Variants in CACUL1 observed in about 807,000 individuals in gnomAD.
The protein encoded by CACUL1 is CDK2 associated cullin domain 1.
A neutral mutation model predicts 45.2 loss-of-function variants in CACUL1; 13 were observed. That is an observed-to-expected ratio of 0.29 (90% CI 0.19 to 0.46). CACUL1 has a LOEUF of 0.46. Ranked by LOEUF, CACUL1 falls within the 20% of genes least tolerant of loss-of-function variation. The pLI, the probability that CACUL1 is intolerant of heterozygous loss-of-function variation, is 1.00. For missense variants in CACUL1, 421 were observed against 471.4 expected (o/e 0.89, Z 0.99); for synonymous variants, 197 against 174.2 (o/e 1.13, Z -1.03).
chr10:118,694,832 G>A (rs1845305172), intron 6 of CACUL1: 1 of 249,970 alleles, frequency 4.0e-6, no homozygotes, highest in Admixed American at 4.7e-5. Flanking sequence ...TGTGCAGCGT[G>A]AGGCAGGAAG....
chr10:118,711,188 C>G (rs1253006936), intron 3 of CACUL1, among the ~76,000 whole-genome samples: 1 of 152,184 alleles, frequency 6.6e-6, no homozygotes, highest in Admixed American at 6.5e-5. Flanking sequence ...CAAGGGATTG[C>G]TCTGTCTCAG....
chr10:118,703,220 C>G (rs1845401014), intron 4 of CACUL1, among the ~76,000 whole-genome samples: 1 of 151,426 alleles, frequency 6.6e-6, no homozygotes, highest in Non-Finnish European at 1.5e-5. Context: ...ACCTTCTGAC[C>G]CATTCCCAAA....
chr10:118,695,523 A>G (rs954092527), intron 5 of CACUL1, among the ~76,000 whole-genome samples: 2 of 152,250 alleles, frequency 1.3e-5, no homozygotes, highest in Non-Finnish European at 2.9e-5. Flanking sequence ...ATGATACATT[A>G]TAAGTGAGTT....
chr10:118,704,993 G>A (rs1315824396), intron 4 of CACUL1, among the ~76,000 whole-genome samples: 1 of 152,248 alleles, frequency 6.6e-6, no homozygotes, highest in Non-Finnish European at 1.5e-5. Context: ...GGGGTCCCCA[G>A]CTTGCAAAGT....
At chr10:118,700,706 G>C (rs1163858338) in intron 5 of CACUL1, among the ~76,000 whole-genome samples, 1 of 107,484 alleles carries the variant, frequency 9.3e-6, no homozygotes, top group Non-Finnish European at 1.8e-5. Flanking sequence ...GACAGAGCGA[G>C]ACTCCGTCTC....
chr10:118,686,903 G>C, intron 7 of CACUL1: 2 of 461,516 alleles, frequency 4.3e-6, no homozygotes, highest in South Asian at 3.7e-5. Context: ...TAAGAAAATA[G>C]AGGTTCTGAC....
Position 118,754,844 on chromosome 10 carries a change from C to T in CACUL1, c.-82G>A, listed in dbSNP as rs1845942013. On this transcript the variant is annotated 5_prime_UTR_variant, in exon 1 of 9. Coordinates refer to ENST00000369151, the MANE Select transcript of CACUL1 (RefSeq NM_153810.5). ...CGGGCCAGCGGGCACCGCTGCCTCC[C>T]CGAGTTACATCGCCGGCGGCAGGAA... 5.4e-6 allele frequency: 8 copies of T among 1,479,858 alleles called. No homozygotes were observed. Among genetic ancestry groups the T allele is most frequent in the South Asian group, 1.4e-5 (1 of 72,716 alleles). The allele number at this position is 1,479,858 out of a possible 1,614,324, so 91.7% of individuals were successfully genotyped here.
rs78050607 is a variant in CACUL1 at position 118,689,678 on chromosome 10, C to A, written c.1025+1587G>T. Reference sequence around the variant, plus strand: ...GTTACTCATCTCATCCCAAGCAAATCTGACATAAGAGCTACTATAAACCAA... The same window carrying A: ...GTTACTCATCTCATCCCAAGCAAATATGACATAAGAGCTACTATAAACCAA... On this transcript the variant is annotated intron_variant, in intron 7 of 8. Transcript: ENST00000369151. Among the ~76,000 whole-genome samples, 25 of 152,246 alleles carry A rather than the reference C, an allele frequency of 1.6e-4. No individual in the cohort carries two copies. The East Asian group carries it at 4.3e-3, about 26-fold the overall frequency.
intron 3 of CACUL1, 115 bp downstream of exon 3, chr10:118,729,180 T>G (rs928240524): frequency 1.5e-6 from 1 of 675,356 alleles, no homozygotes; most frequent in Non-Finnish European, 2.6e-6. Context: ...TAGAAAACAT[T>G]TATAAATTTA....
intron 1 of CACUL1, among the ~76,000 whole-genome samples, chr10:118,736,704 C>A (rs1317473936): frequency 1.3e-5 from 2 of 152,094 alleles, no homozygotes; most frequent in African/African-American, 4.8e-5. Flanking sequence ...AAGTCTAGAG[C>A]AATATACAGA....
chr10:118,695,743 G>A (rs1218103108), intron 5 of CACUL1, among the ~76,000 whole-genome samples: 1 of 152,102 alleles, frequency 6.6e-6, no homozygotes, highest in Admixed American at 6.5e-5. Flanking sequence ...TCATTTTCAT[G>A]TCTTTGGTGA....
Position 118,754,873 on chromosome 10 carries a change from G to A in CACUL1, c.-111C>T. On this transcript the variant is annotated 5_prime_UTR_variant, in exon 1 of 9. Transcript: ENST00000369151. ...GTTACATCGCCGGCGGCAGGAATGG[G>A]CGCAGCGGAGAGGGCTGCGGTGCGC... is the stretch of plus-strand genomic sequence containing the variant. 7.0e-7 allele frequency: 1 copy of A among 1,423,922 alleles called. No individual in the cohort carries two copies. Among genetic ancestry groups the A allele is most frequent in the Non-Finnish European group, 9.4e-7 (1 of 1,065,808 alleles). The allele number at this position is 1,423,922 out of a possible 1,614,324, so 88.2% of individuals were successfully genotyped here. A position where few individuals can be genotyped will look rare whatever the true frequency, so the allele number is the denominator to read the frequency against.
chr10:118,717,896 G>A (rs968380227), intron 3 of CACUL1, among the ~76,000 whole-genome samples: 3 of 152,194 alleles, frequency 2.0e-5, no homozygotes, highest in African/African-American at 4.8e-5. Context: ...AGTAAGACCT[G>A]AGGATGAAGC....
chr10:118,682,754 A>T lies in CACUL1; in HGVS notation c.*3374T>A, dbSNP rs1221394763. The T allele has an allele frequency of 6.5e-6, 1 of 152,686 alleles. No individual in the cohort carries two copies. Among genetic ancestry groups the T allele is most frequent in the Non-Finnish European group, 1.5e-5 (1 of 68,058 alleles). The allele number at this position is 152,686 out of a possible 1,614,324, so 9.5% of individuals were successfully genotyped here. A position where few individuals can be genotyped will look rare whatever the true frequency, so the allele number is the denominator to read the frequency against. Reference sequence around the variant, plus strand: ...CGCAGCCAGGGAGTGGTAGCTGCACAGTGTGAGCACTGGAGATGGATGTGC... The same window carrying T: ...CGCAGCCAGGGAGTGGTAGCTGCACTGTGTGAGCACTGGAGATGGATGTGC... On this transcript the variant is annotated 3_prime_UTR_variant, in exon 9 of 9. Transcript: ENST00000369151.
In CACUL1 at chr10:118,754,915, C is replaced by T. The variant is rs1163437374; in HGVS notation, c.-153G>A. 2 of 1,091,986 alleles carry T rather than the reference C, an allele frequency of 1.8e-6. No homozygotes were observed. Among genetic ancestry groups the T allele is most frequent in the Non-Finnish European group, 2.5e-6 (2 of 796,602 alleles). 67.6% of individuals were successfully genotyped at this position (1,091,986 alleles called of 1,614,324 possible). A position where few individuals can be genotyped will look rare whatever the true frequency, so the allele number is the denominator to read the frequency against. Reference sequence around the variant, plus strand: ...GCGGTGCGCAGGGTCTCTCGCTCTCCGCGGGGCCGACTAGCTTGAAGACGC... The same window carrying T: ...GCGGTGCGCAGGGTCTCTCGCTCTCTGCGGGGCCGACTAGCTTGAAGACGC... On this transcript the variant is annotated 5_prime_UTR_variant, in exon 1 of 9. Transcript: ENST00000369151.
At chr10:118,741,765 C>T (rs1845795569) in intron 1 of CACUL1, among the ~76,000 whole-genome samples, 1 of 152,216 alleles carries the variant, frequency 6.6e-6, no homozygotes, top group African/African-American at 2.4e-5. Context: ...AGACAAATGT[C>T]TCCCTTAAAA....
chr10:118,696,078 G>A (rs1380938168), intron 5 of CACUL1, among the ~76,000 whole-genome samples: 4 of 152,110 alleles, frequency 2.6e-5, no homozygotes, highest in African/African-American at 9.7e-5. Flanking sequence ...CATCTTACTA[G>A]GCCAATAAGG....
intron 3 of CACUL1, among the ~76,000 whole-genome samples, chr10:118,708,593 A>G (rs1312005838): frequency 6.6e-6 from 1 of 152,154 alleles, no homozygotes; most frequent in Non-Finnish European, 1.5e-5. Context: ...GAAAATTCCT[A>G]TGTTGAAGCC....
At chr10:118,721,191 A>G (rs1448579474) in intron 3 of CACUL1, among the ~76,000 whole-genome samples, 1 of 152,252 alleles carries the variant, frequency 6.6e-6, no homozygotes, top group African/African-American at 2.4e-5. Context: ...CAAGATAACC[A>G]GTTGAGTTAT....
Sources: gnomAD v4.1 joint callset for allele counts (sites outside exome capture counted in the v4.1 genomes callset) on GRCh38, gnomAD v4.1.1 for gene constraint, MANE v1.5 for transcripts, NCBI Gene and HGNC (gene_info 2026-07-23, HGNC 2026-07-21) for gene names.